Variants in FLI1 observed in about 807,000 individuals in gnomAD.
FLI1 encodes the protein Fli-1 proto-oncogene, ETS transcription factor.
A neutral mutation model predicts 53.1 loss-of-function variants in FLI1; 13 were observed. That is an observed-to-expected ratio of 0.24 (90% confidence interval 0.16 to 0.39). The LOEUF is 0.39. FLI1 is among the 10% of genes least tolerant of loss of function. FLI1 has a pLI of 1.00. For missense variants in FLI1, 424 were observed against 600.5 expected (o/e 0.71, Z 3.07); for synonymous variants, 244 against 236.7 (o/e 1.03, Z -0.28).
At chr11:128,729,384 C>T (rs974418446) in intron 1 of FLI1, among the ~76,000 whole-genome samples, 5 of 152,216 alleles carry the variant, frequency 3.3e-5, no homozygotes, top group African/African-American at 1.2e-4. Flanking sequence ...TGTCAAAGAT[C>T]AGATAAAAGT....
At chr11:128,809,105 T>C (rs1942865556) in intron 7 of FLI1, 52 bp from the exon 8 acceptor site, 12 of 1,424,930 alleles carry the variant, frequency 8.4e-6, no homozygotes, top group Admixed American at 3.4e-5. Flanking sequence ...GTTGGTACGG[T>C]TGTCATATTT....
At chr11:128,774,383 G>GACAATTTT (rs1336431404) in intron 4 of FLI1, among the ~76,000 whole-genome samples, 1 of 152,174 alleles carries the variant, frequency 6.6e-6, no homozygotes, top group Non-Finnish European at 1.5e-5. Context: ...CAAAAAAGGG[G>GACAATTTT]ACAATTTTCC....
chr11:128,799,015 T>A (rs1942534238), intron 5 of FLI1, among the ~76,000 whole-genome samples: 1 of 146,206 alleles, frequency 6.8e-6, no homozygotes, highest in Non-Finnish European at 1.5e-5. Flanking sequence ...ACGATTTATT[T>A]TATTATATTA....
rs74481259 is a variant in FLI1 at position 128,786,632 on chromosome 11, C to T, written c.655+4609C>T. ...TCCCGTCCTCCAGGCTGCAGATGTG[C>T]GTGTGTCTGCCCTGGTCCCAGGTCA... On this transcript the variant is annotated intron_variant, in intron 5 of 8. Coordinates refer to ENST00000527786, the MANE Select transcript of FLI1 (RefSeq NM_002017.5). Among the ~76,000 whole-genome samples the T allele has an allele frequency of 2.0e-5, 3 of 152,228 alleles. No individual in the cohort carries two copies. In the East Asian group the frequency reaches 5.8e-4, roughly 29 times the overall value.
chr11:128,746,634 C>T (rs1219640063), intron 1 of FLI1, among the ~76,000 whole-genome samples: 1 of 152,206 alleles, frequency 6.6e-6, no homozygotes, highest in Non-Finnish European at 1.5e-5. Flanking sequence ...AATAGGAAAG[C>T]TCCGGAACTC....
In FLI1 at chr11:128,778,358, C is replaced by T. The variant is rs564509650; in HGVS notation, c.590-3600C>T. Among the ~76,000 whole-genome samples the T allele has an allele frequency of 3.3e-5, 5 of 152,310 alleles. No homozygotes were observed. In the South Asian group the frequency reaches 1.0e-3, roughly 32 times the overall value. ...ATTTCAGCCCCCTGTACCCTCTCTC[C>T]ACCCCACAACCGCTTCCTCCACAAA... On this transcript the variant is annotated intron_variant, in intron 4 of 8. Transcript: ENST00000527786.
chr11:128,764,705 A>T, intron 2 of FLI1: 1 of 1,549,994 alleles, frequency 6.5e-7, no homozygotes, highest in Non-Finnish European at 8.7e-7. Flanking sequence ...ACCTGTACCC[A>T]CCCTGAGCGG....
chr11:128,782,016 C>G lies in FLI1; in HGVS notation c.648C>G (p.Val216=). The G allele has an allele frequency of 3.1e-6, 5 of 1,613,380 alleles. No homozygotes were observed. Among genetic ancestry groups the G allele is most frequent in the Non-Finnish European group, 4.2e-6 (5 of 1,179,352 alleles). ...CCGACCAATCCTCACGATTGAGTGT[C>G]AAAGAAGGTAAGTTTGTTCTTTTGT... The part of the protein sequence containing the change: ...SHTDQSSRLS[V]KEDPSYDSVR... The change falls in exon 5 of 9, where the codon GTC becomes GTG. Residue 216 remains valine, a synonymous_variant. Coordinates refer to ENST00000527786, the MANE Select transcript of FLI1 (RefSeq NM_002017.5).
At chr11:128,760,632 A>G (rs1941078376) in intron 2 of FLI1, among the ~76,000 whole-genome samples, 1 of 149,738 alleles carries the variant, frequency 6.7e-6, no homozygotes, top group African/African-American at 2.5e-5. Flanking sequence ...GGTTCAAGCA[A>G]TTCTCTTGCC....
In FLI1 at chr11:128,758,262, G is replaced by A; in HGVS notation, c.166G>A (p.Glu56Lys). 1 of 1,613,768 alleles carries A rather than the reference G, an allele frequency of 6.2e-7. No individual in the cohort carries two copies. The highest frequency in any genetic ancestry group is 8.5e-7 in the Non-Finnish European group (1 of 1,179,786). Residue 56 changes from glutamate (E) to lysine (K), a missense_variant, in exon 2 of 9, where the codon GAG (glutamate) becomes AAG (lysine). Glu to Lys is a moderately conservative substitution (Grantham distance 56). Around this residue, in one of 5 missense-constraint regions of FLI1, gnomAD observed 137 missense variants for 169.1 expected, o/e 0.81. Coordinates refer to ENST00000527786, the MANE Select transcript of FLI1 (RefSeq NM_002017.5). ...HKINPLPPQQ[E>K]WINQPVRVNV... Reference sequence around the variant, plus strand: ...GATCAACCCCCTCCCACCACAGCAGGAGTGGATCAATCAGCCAGTGAGGGT... The same window carrying A: ...GATCAACCCCCTCCCACCACAGCAGAAGTGGATCAATCAGCCAGTGAGGGT...
chr11:128,771,667 C>T (rs570758167), intron 3 of FLI1, among the ~76,000 whole-genome samples: 11 of 152,266 alleles, frequency 7.2e-5, no homozygotes, highest in African/African-American at 9.6e-5. Flanking sequence ...CATTAGAAGC[C>T]GGAGGCTAAT....
intron 7 of FLI1, among the ~76,000 whole-genome samples, chr11:128,807,888 C>T (rs1026844508): frequency 3.3e-5 from 5 of 152,170 alleles, no homozygotes; most frequent in Admixed American, 6.5e-5. Context: ...CTGCTTCCTC[C>T]GAAATCCTTT....
chr11:128,737,777 T>A (rs1334324424), intron 1 of FLI1, among the ~76,000 whole-genome samples: 1 of 152,220 alleles, frequency 6.6e-6, no homozygotes, highest in Non-Finnish European at 1.5e-5. Flanking sequence ...CAGTTACTTT[T>A]GTTGTGAGGT....
intron 1 of FLI1, among the ~76,000 whole-genome samples, chr11:128,722,280 G>A (rs1333684668): frequency 2.0e-5 from 3 of 152,208 alleles, no homozygotes; most frequent in Admixed American, 6.5e-5. Context: ...GACAGGGTAT[G>A]GAGGAGAGGA....
intron 1 of FLI1, among the ~76,000 whole-genome samples, chr11:128,742,734 T>C (rs147956344): frequency 1.7e-3 from 253 of 152,368 alleles, no homozygotes; most frequent in African/African-American, 5.6e-3. Context: ...TCAACTTCTT[T>C]CTATGGAAAT....
chr11:128,752,602 T>A (rs1940694689), intron 1 of FLI1, among the ~76,000 whole-genome samples: 1 of 152,230 alleles, frequency 6.6e-6, no homozygotes. Flanking sequence ...GTAGTGGTTA[T>A]GTGCTTAGGC....
intron 1 of FLI1, among the ~76,000 whole-genome samples, chr11:128,714,270 G>T (rs972182157): frequency 2.0e-5 from 3 of 151,652 alleles, no homozygotes; most frequent in African/African-American, 4.8e-5. Flanking sequence ...TGCGCTGGCT[G>T]GCGCCGACAT....
At chr11:128,692,588 G>A (rs1937796039), upstream of FLI1, 1 of 152,200 alleles carries the variant, frequency 6.6e-6, no homozygotes, top group African/African-American at 2.4e-5. Flanking sequence ...GAGGGAGGGG[G>A]AGGGAGGGAG....
intron 1 of FLI1, among the ~76,000 whole-genome samples, chr11:128,738,898 T>C (rs1215354057): frequency 3.9e-5 from 6 of 152,236 alleles, no homozygotes; most frequent in Non-Finnish European, 7.3e-5. Flanking sequence ...ACAGTATCTA[T>C]GTTGGGCTTT....
Sources: allele counts gnomAD v4.1 joint callset (sites outside exome capture counted in the v4.1 genomes callset), GRCh38; gene constraint gnomAD v4.1.1; regional missense constraint gnomAD v4.1.1; transcripts MANE v1.5; gene names NCBI Gene and HGNC (gene_info 2026-07-23, HGNC 2026-07-21).